B4GALNT3: variants seen among roughly 807,000 people sequenced by gnomAD.
B4GALNT3 encodes the protein beta-1,4-N-acetylgalactosaminyltransferase 3.
Under a neutral mutation model 120.2 loss-of-function variants are expected in B4GALNT3, and 86 were observed. The observed-to-expected ratio is 0.72, with a 90% CI of 0.60 to 0.86. The LOEUF is 0.86. Ranked by LOEUF, B4GALNT3 falls within the 40% of genes least tolerant of loss-of-function variation. The probability of loss-of-function intolerance (pLI) is 0.00; values close to 1 mark genes in which losing one functional copy is unlikely to be tolerated. For synonymous variants in B4GALNT3, 518 were observed against 510.4 expected (o/e 1.01, Z -0.20); for missense variants, 1,167 against 1,298.9 (o/e 0.90, Z 1.56).
chr12:491,251 A>G (rs1416078504), intron 1 of B4GALNT3, among the ~76,000 whole-genome samples: 8 of 152,130 alleles, frequency 5.3e-5, no homozygotes. Context: ...TCACATAGGC[A>G]AAAAAAGAAA....
chr12:505,855 C>T (rs1167465463), intron 1 of B4GALNT3, among the ~76,000 whole-genome samples: 1 of 152,138 alleles, frequency 6.6e-6, no homozygotes, highest in Non-Finnish European at 1.5e-5. Context: ...GTGGAACCCA[C>T]CAAGGATTTT....
chr12:558,417 A>G, intron 17 of B4GALNT3, 91 bp from the exon 18 acceptor site: 1 of 1,253,532 alleles, frequency 8.0e-7, no homozygotes, highest in Admixed American at 1.9e-5. Flanking sequence ...TCACTCCAAT[A>G]GGGAAGACTC....
At chr12:541,819 T>C in intron 3 of B4GALNT3, among the ~76,000 whole-genome samples, 2 of 134,896 alleles carry the variant, frequency 1.5e-5, no homozygotes, top group African/African-American at 2.8e-5. Flanking sequence ...GGCCCTCCTC[T>C]CCCTGCCCAG....
At chr12:536,394 C>T (rs1946860528) in intron 3 of B4GALNT3, 99 bp downstream of exon 3, 1 of 880,212 alleles carries the variant, frequency 1.1e-6, no homozygotes, top group African/African-American at 1.7e-5. Flanking sequence ...TAGGGACCTT[C>T]TACCGTACCT....
chr12:556,866 G>C lies in B4GALNT3; in HGVS notation c.2380G>C (p.Val794Leu). 1.2e-6 allele frequency: 2 copies of C among 1,600,770 alleles called. No individual in the cohort carries two copies. Among genetic ancestry groups the C allele is most frequent in the Non-Finnish European group, 1.7e-6 (2 of 1,170,290 alleles). ...AGCCGTGGTCCACTTCGTCGTGCCTGGTGAGCCTCAAGCTGAGCCTCGGCA... is the reference window on the plus strand; with the variant it reads ...AGCCGTGGTCCACTTCGTCGTGCCTCGTGAGCCTCAAGCTGAGCCTCGGCA... Reference protein sequence around the residue: ...HRAVVHFVVPVKNQARWVQQF... With the variant: ...HRAVVHFVVPLKNQARWVQQF... Residue 794 changes from valine (V) to leucine (L), a missense_variant and splice_region_variant, in exon 15 of 20, where the codon GTG (valine) becomes CTG (leucine). Transcript: ENST00000266383.
intron 1 of B4GALNT3, among the ~76,000 whole-genome samples, chr12:512,991 T>TCCTTCCACCTTCCACCTTCCG (rs1426959492): frequency 1.6e-5 from 2 of 122,932 alleles, no homozygotes; most frequent in African/African-American, 6.1e-5. Flanking sequence ...CCTTCGATCT[T>TCCTTCCACCTTCCACCTTCCG]CCTTCCACCT....
intron 1 of B4GALNT3, among the ~76,000 whole-genome samples, chr12:489,952 CAGAA>C (rs1946325869): frequency 6.6e-6 from 1 of 152,232 alleles, no homozygotes; most frequent in South Asian, 2.1e-4. Flanking sequence ...AAATCAATAA[CAGAA>C]AGATAACTGG....
chr12:518,248 T>C (rs1946674944), intron 1 of B4GALNT3, among the ~76,000 whole-genome samples: 1 of 152,220 alleles, frequency 6.6e-6, no homozygotes, highest in Non-Finnish European at 1.5e-5. Flanking sequence ...TTCTTACCCA[T>C]CTTCAATCAT....
rs890159234 is a variant in B4GALNT3, at chr12:500,970, C to T, written c.170-34196C>T. 8.7e-5 allele frequency among the ~76,000 whole-genome samples: 13 copies of T among 148,768 alleles called. 1 individual carries two copies. The highest frequency in any genetic ancestry group is 3.4e-4 in the Admixed American group (5 of 14,526). On this transcript the variant is annotated intron_variant, in intron 1 of 19. Transcript: ENST00000266383. ...ACAACCCCCACCTCCCAGGTTCAAG[C>T]GATTCTCCTGCCTCAGCCTCAGCCT...
chr12:536,471 A>G (rs1051607901), intron 3 of B4GALNT3, among the ~76,000 whole-genome samples, 176 bp downstream of exon 3: 2 of 152,216 alleles, frequency 1.3e-5, no homozygotes, highest in Admixed American at 6.5e-5. Context: ...ACTTTCTACT[A>G]GTGAATTAAA....
At position 548,463 on chromosome 12, in the gene B4GALNT3, T is replaced by C. The variant is rs148217130; in HGVS notation, c.853+166T>C. On this transcript the variant is annotated intron_variant, in intron 9 of 19. Coordinates refer to ENST00000266383, the MANE Select transcript of B4GALNT3 (RefSeq NM_173593.4). This position sits in a 1 kb window ranked among gnomAD's most constrained non-coding sequence, Gnocchi z 4.9. ...AAGAGTGGGACCTTATGACCAGGAG[T>C]CCTTAACTCCCCAGGGTCAGTGACC... Among the ~76,000 whole-genome samples the C allele has an allele frequency of 6.6e-6, 1 of 151,250 alleles. No homozygotes were observed. The highest frequency in any genetic ancestry group is 2.0e-4 in the East Asian group (1 of 5,128).
intron 1 of B4GALNT3, among the ~76,000 whole-genome samples, chr12:465,535 T>C (rs529756481): frequency 6.5e-4 from 99 of 151,792 alleles, no homozygotes; most frequent in African/African-American, 2.3e-3. Context: ...TTTTTAATCA[T>C]AAGCGTATTT....
intron 1 of B4GALNT3, among the ~76,000 whole-genome samples, chr12:499,777 T>C (rs374572861): frequency 6.6e-6 from 1 of 152,398 alleles, no homozygotes; most frequent in South Asian, 2.1e-4. Context: ...GGTCACTTTA[T>C]TGGCTCCAGC....
intron 9 of B4GALNT3, 150 bp from the exon 10 acceptor site, chr12:549,619 G>A: frequency 1.0e-6 from 1 of 1,001,584 alleles, no homozygotes; most frequent in Non-Finnish European, 1.5e-6. Flanking sequence ...CGCTGTGGCG[G>A]GGGCCAGAGG....
intron 14 of B4GALNT3, among the ~76,000 whole-genome samples, chr12:556,123 T>C (rs1475307989): frequency 6.6e-6 from 1 of 152,186 alleles, no homozygotes; most frequent in Admixed American, 6.5e-5. Context: ...GAGTGTGAAA[T>C]GGTATCACAC....
intron 1 of B4GALNT3, among the ~76,000 whole-genome samples, chr12:511,013 C>CGTT (rs1946542797): frequency 2.3e-5 from 1 of 43,860 alleles, no homozygotes; most frequent in Non-Finnish European, 4.6e-5. Flanking sequence ...TTTGCCTATT[C>CGTT]TTTTTTTTTT....
intron 1 of B4GALNT3, among the ~76,000 whole-genome samples, chr12:524,438 T>C (rs1213725715): frequency 2.0e-5 from 3 of 152,132 alleles, no homozygotes; most frequent in African/African-American, 7.2e-5. Context: ...TAAAAGAGTG[T>C]GTTTTTCCAA....
At chr12:484,302 C>T (rs915302576) in intron 1 of B4GALNT3, among the ~76,000 whole-genome samples, 2 of 152,098 alleles carry the variant, frequency 1.3e-5, no homozygotes, top group South Asian at 2.1e-4. Context: ...GTAAGAGATA[C>T]GAAGTACCTG....
rs796535743 is a variant in B4GALNT3 at position 554,577 on chromosome 12, T to G, written c.2060+594T>G. Among the ~76,000 whole-genome samples, 1,112 of 149,886 alleles carry G rather than the reference T, an allele frequency of 7.4e-3. 14 individuals are homozygous for G. Among genetic ancestry groups the G allele is most frequent in the African/African-American group, 0.026 (1,051 of 40,770 alleles). ...AGGCCGAGGCGGGCGGATCACGAGG[T>G]CAGGAGATCGAGACCATCCTGGCTA... On this transcript the variant is annotated intron_variant, in intron 14 of 19. Coordinates refer to ENST00000266383, the MANE Select transcript of B4GALNT3 (RefSeq NM_173593.4).
Sources: allele counts gnomAD v4.1 joint callset (sites outside exome capture counted in the v4.1 genomes callset), GRCh38; gene constraint gnomAD v4.1.1; non-coding constraint Gnocchi (gnomAD v3.1); transcripts MANE v1.5; gene names NCBI Gene and HGNC (gene_info 2026-07-23, HGNC 2026-07-21).